The following PARD3 variants were observed in gnomAD, a reference collection of about 807,000 sequenced individuals.
PARD3 encodes the protein partitioning defective 3 homolog.
In PARD3, 75 loss-of-function variants were observed where a neutral mutation model predicts 155.4. That is an observed-to-expected ratio of 0.48 (90% CI 0.40 to 0.58). The LOEUF (loss-of-function observed/expected upper bound fraction) is 0.58, where lower values mean the gene tolerates loss of function less well. PARD3 is among the 20% of genes least tolerant of loss of function. The probability of loss-of-function intolerance (pLI) is 0.00; values close to 1 mark genes in which losing one functional copy is unlikely to be tolerated. For synonymous variants in PARD3, 576 were observed against 610.5 expected (o/e 0.94, Z 0.83); for missense variants, 1,642 against 1,721.7 (o/e 0.95, Z 0.82).
rs538566884 is a variant in PARD3 at position 34,789,979 on chromosome 10, G to A, written c.120+24897C>T. Among the ~76,000 whole-genome samples, 16 of 152,258 alleles carry A rather than the reference G, an allele frequency of 1.1e-4. No individual in the cohort carries two copies. The South Asian group carries it at 2.7e-3, about 26-fold the overall frequency. The stretch of plus-strand genomic sequence containing the variant: ...TCTCCATGGCAGAATCCTGAGCTCT[G>A]GGAAGCTGAACCAGAAACTATACAG... On this transcript the variant is annotated intron_variant, in intron 1 of 24. Transcript: ENST00000374788.
intron 3 of PARD3, among the ~76,000 whole-genome samples, chr10:34,473,860 C>G (rs1160276684): frequency 2.6e-5 from 4 of 152,174 alleles, no homozygotes; most frequent in African/African-American, 9.7e-5. Context: ...GCAAAACTGC[C>G]CTGGGCTGCT....
intron 4 of PARD3, among the ~76,000 whole-genome samples, chr10:34,452,008 T>C (rs186726364): frequency 6.6e-6 from 1 of 152,232 alleles, no homozygotes; most frequent in Admixed American, 6.5e-5. Context: ...AGATAAGTCA[T>C]AAAGGGTAGA....
chr10:34,347,314 T>A (rs1266326551), intron 15 of PARD3, among the ~76,000 whole-genome samples: 1 of 152,196 alleles, frequency 6.6e-6, no homozygotes, highest in African/African-American at 2.4e-5. Flanking sequence ...ACTGGATCTG[T>A]TAGTAGAAAG....
At chr10:34,703,311 C>T (rs1184431593) in intron 1 of PARD3, among the ~76,000 whole-genome samples, 1 of 151,832 alleles carries the variant, frequency 6.6e-6, no homozygotes, top group South Asian at 2.1e-4. Context: ...ACTGCTTGAG[C>T]CCAGGAGTTC....
chr10:34,687,299 T>C (rs966409958), intron 2 of PARD3, among the ~76,000 whole-genome samples: 1 of 152,138 alleles, frequency 6.6e-6, no homozygotes, highest in Non-Finnish European at 1.5e-5. Flanking sequence ...TGGGGAAGGA[T>C]GGAAATGTGC....
chr10:34,353,569 C>A (rs1838430099), intron 14 of PARD3, among the ~76,000 whole-genome samples: 2 of 152,264 alleles, frequency 1.3e-5, no homozygotes, highest in South Asian at 4.1e-4. Flanking sequence ...CCCAGGGACA[C>A]AAACACTGCG....
chr10:34,735,218 A>G (rs1452697439), intron 1 of PARD3, among the ~76,000 whole-genome samples: 1 of 152,224 alleles, frequency 6.6e-6, no homozygotes, highest in Admixed American at 6.5e-5. Flanking sequence ...TTTGTCAATA[A>G]TAAGACATAA....
chr10:34,217,171 C>T (rs1159396077), intron 22 of PARD3, among the ~76,000 whole-genome samples: 2 of 151,968 alleles, frequency 1.3e-5, no homozygotes, highest in Admixed American at 6.5e-5. Context: ...ATCAACATCT[C>T]GGTGGGAGGA....
chr10:34,450,776 T>A (rs1054438199), intron 4 of PARD3, among the ~76,000 whole-genome samples: 2 of 152,212 alleles, frequency 1.3e-5, no homozygotes, highest in Non-Finnish European at 2.9e-5. Context: ...AGTACTTCTA[T>A]ACAAGACTTT....
intron 2 of PARD3, among the ~76,000 whole-genome samples, chr10:34,621,466 G>A (rs200197853): frequency 2.0e-5 from 3 of 152,052 alleles, no homozygotes; most frequent in Admixed American, 6.6e-5. Context: ...CCAAGGTGCC[G>A]GTTGTACAGG....
intron 2 of PARD3, among the ~76,000 whole-genome samples, chr10:34,695,067 G>GTGCTAC (rs111542057): frequency 0.68 from 103,383 of 151,250 alleles, 35,764 homozygotes; most frequent in African/African-American, 0.73. Context: ...TAAATACCCT[G>GTGCTAC]TGCAGGGAGG....
chr10:34,420,369 T>G (rs192744086), intron 5 of PARD3, among the ~76,000 whole-genome samples: 1 of 152,324 alleles, frequency 6.6e-6, no homozygotes, highest in African/African-American at 2.4e-5. Flanking sequence ...TTTAGTAAAT[T>G]ATTCACTCTG....
chr10:34,761,009 A>AT, intron 1 of PARD3, among the ~76,000 whole-genome samples: 1 of 152,332 alleles, frequency 6.6e-6, no homozygotes, highest in East Asian at 1.9e-4. Flanking sequence ...ATATTTCTTT[A>AT]TATATGATCC....
chr10:34,427,239 C>T (rs1245477369), intron 5 of PARD3, among the ~76,000 whole-genome samples: 3 of 152,120 alleles, frequency 2.0e-5, no homozygotes, highest in African/African-American at 7.2e-5. Flanking sequence ...CTCTTATTAC[C>T]GAAAACGGGT....
chr10:34,213,247 G>A (rs568362186), intron 22 of PARD3, among the ~76,000 whole-genome samples: 36 of 152,294 alleles, frequency 2.4e-4, no homozygotes, highest in Admixed American at 1.6e-3. Context: ...CACATGGCAA[G>A]AGAGAAAGCA....
chr10:34,664,478 G>C (rs925317063), intron 2 of PARD3, among the ~76,000 whole-genome samples: 1 of 151,708 alleles, frequency 6.6e-6, no homozygotes, highest in African/African-American at 2.4e-5. Context: ...TGGGATTATA[G>C]GCGTAAGCCA....
intron 20 of PARD3, among the ~76,000 whole-genome samples, chr10:34,297,282 G>A (rs1956952973): frequency 6.6e-6 from 1 of 152,088 alleles, no homozygotes; most frequent in South Asian, 2.1e-4. Flanking sequence ...CAGTCTCAGT[G>A]ACAAAGCAAG....
At chr10:34,528,233 G>T (rs1564812155) in intron 2 of PARD3, among the ~76,000 whole-genome samples, 1 of 152,130 alleles carries the variant, frequency 6.6e-6, no homozygotes, top group Non-Finnish European at 1.5e-5. Context: ...GCCATCTAAT[G>T]GACTTAGTCA....
At position 34,393,150 on chromosome 10, in the gene PARD3, T is replaced by TA. The variant is rs34936875; in HGVS notation, c.890+6179dup. Among the ~76,000 whole-genome samples the TA allele has an allele frequency of 6.1e-3, 816 of 133,808 alleles. 2 individuals carry two copies. The highest frequency in any genetic ancestry group is 9.1e-3 in the Non-Finnish European group (575 of 63,096). 87.8% of individuals were successfully genotyped at this position (133,808 alleles called of 152,430 possible). A position where few individuals can be genotyped will look rare whatever the true frequency, so the allele number is the denominator to read the frequency against. The stretch of plus-strand genomic sequence containing the variant: ...ATGCTAACTAGTAGATACTAGATCT[T>TA]AAAAAAAAAAAAAAAGTGTATATAA... On this transcript the variant is annotated intron_variant, in intron 7 of 24. Coordinates refer to ENST00000374788, the MANE Select transcript of PARD3 (RefSeq NM_001184785.2).
Sources: gnomAD v4.1 joint callset for allele counts (sites outside exome capture counted in the v4.1 genomes callset) on GRCh38, gnomAD v4.1.1 for gene constraint, MANE v1.5 for transcripts, NCBI Gene and HGNC (gene_info 2026-07-23, HGNC 2026-07-21) for gene names.